LNX1: variants seen among roughly 807,000 people sequenced by gnomAD.
LNX1 encodes E3 ubiquitin-protein ligase LNX.
In LNX1, 54 loss-of-function variants were observed where a neutral mutation model predicts 68.4. The observed-to-expected ratio is 0.79, with a 90% CI of 0.63 to 0.99. LNX1 has a LOEUF of 0.99. Ranked by LOEUF, LNX1 falls within the 50% of genes least tolerant of loss-of-function variation. The pLI is 0.00. For synonymous variants in LNX1, 336 were observed against 350.0 expected (o/e 0.96, Z 0.45); for missense variants, 906 against 926.4 (o/e 0.98, Z 0.29).
chr4:53,540,066 A>G (rs550302352), intron 2 of LNX1, among the ~76,000 whole-genome samples: 4 of 152,360 alleles, frequency 2.6e-5, no homozygotes, highest in African/African-American at 9.6e-5. Context: ...ATAAGATGGC[A>G]TAGCAACTAC....
At chr4:53,508,693 T>C (rs919806623) in intron 2 of LNX1, among the ~76,000 whole-genome samples, 1 of 152,240 alleles carries the variant, frequency 6.6e-6, no homozygotes, top group Non-Finnish European at 1.5e-5. Context: ...TAACTGTTCA[T>C]GCAAACAGAA....
rs1323144423 is a variant in LNX1, at chr4:53,513,532, C to G, written c.381-5305G>C. On this transcript the variant is annotated intron_variant, in intron 2 of 10. Coordinates refer to ENST00000263925, the MANE Select transcript of LNX1 (RefSeq NM_001126328.3). ...GCAGCTCAAACTTAACACTTTCATC[C>G]TCCCTGCCAAACCAGCTCTTCCCAC... is the stretch of plus-strand genomic sequence containing the variant. Among the ~76,000 whole-genome samples the G allele has an allele frequency of 2.6e-5, 4 of 152,184 alleles. No homozygotes were observed. The East Asian group carries it at 7.7e-4, about 29-fold the overall frequency.
intron 2 of LNX1, among the ~76,000 whole-genome samples, chr4:53,516,646 T>C (rs558867281): frequency 4.7e-4 from 71 of 152,324 alleles, no homozygotes; most frequent in African/African-American, 1.7e-3. Flanking sequence ...GAATGGTAGA[T>C]TCTGGGCAGG....
chr4:53,642,279 G>A (rs376688975), intron 1 of LNX1, among the ~76,000 whole-genome samples: 2 of 144,894 alleles, frequency 1.4e-5, no homozygotes, highest in East Asian at 4.2e-4. Context: ...TCCACTTTTT[G>A]AAGTTCTTGG....
At chr4:53,579,101 C>T (rs1731673452) in intron 1 of LNX1, among the ~76,000 whole-genome samples, 1 of 152,144 alleles carries the variant, frequency 6.6e-6, no homozygotes, top group East Asian at 1.9e-4. Context: ...AGAGAGAGGG[C>T]CTGTCAGCTT....
intron 9 of LNX1, among the ~76,000 whole-genome samples, chr4:53,468,676 CAG>C: frequency 6.6e-6 from 1 of 152,234 alleles, no homozygotes; most frequent in African/African-American, 2.4e-5. Context: ...CAAAAAAAGA[CAG>C]GGGTTGCAAT....
intron 1 of LNX1, chr4:53,576,008 T>A: frequency 6.4e-7 from 1 of 1,567,946 alleles, no homozygotes; most frequent in Non-Finnish European, 8.6e-7. Flanking sequence ...GCCCTCCATC[T>A]TCCCCCCACC....
At chr4:53,490,888 C>G (rs1451309530) in intron 6 of LNX1, among the ~76,000 whole-genome samples, 1 of 152,136 alleles carries the variant, frequency 6.6e-6, no homozygotes, top group African/African-American at 2.4e-5. Context: ...TCCGTGTTTT[C>G]CATTTCTTTT....
In LNX1 at chr4:53,459,542, A is replaced by AATC; in HGVS notation, c.*1362_*1364dup. 6.4e-7 allele frequency: 1 copy of AATC among 1,550,440 alleles called. No homozygotes were observed. Among genetic ancestry groups the AATC allele is most frequent in the Non-Finnish European group, 8.8e-7 (1 of 1,130,244 alleles). ...GATAATGTTTAAGAAATTTACCTTAAATCTTGTTCTGTTTGTTAGTATGAA... is the reference window on the plus strand; with the variant it reads ...GATAATGTTTAAGAAATTTACCTTAAATCATCTTGTTCTGTTTGTTAGTATGAA... On this transcript the variant is annotated 3_prime_UTR_variant, in exon 11 of 11. Transcript: ENST00000263925.
At chr4:53,636,461 G>C (rs13110880) in intron 1 of LNX1, among the ~76,000 whole-genome samples, 3 of 152,026 alleles carry the variant, frequency 2.0e-5, no homozygotes, top group Non-Finnish European at 4.4e-5. Flanking sequence ...CCTCAGAGTA[G>C]AAAAAGGAGG....
chr4:53,513,943 C>T (rs1726552018), intron 2 of LNX1, among the ~76,000 whole-genome samples: 1 of 152,230 alleles, frequency 6.6e-6, no homozygotes, highest in African/African-American at 2.4e-5. Context: ...CTTGCTCATA[C>T]AGCCCTCCTG....
chr4:53,483,167 C>T (rs1263865903), intron 6 of LNX1, among the ~76,000 whole-genome samples: 19 of 152,130 alleles, frequency 1.2e-4, no homozygotes, highest in African/African-American at 3.4e-4. Flanking sequence ...GTAAGTCTCA[C>T]GAGATCTGAT....
chr4:53,581,191 C>G (rs1210402966), intron 1 of LNX1, among the ~76,000 whole-genome samples: 3 of 151,932 alleles, frequency 2.0e-5, no homozygotes, highest in African/African-American at 7.3e-5. Flanking sequence ...TCAGTTGCAG[C>G]CTGAGGTCAA....
intron 1 of LNX1, among the ~76,000 whole-genome samples, chr4:53,590,738 C>A (rs1732459476): frequency 6.6e-6 from 1 of 152,194 alleles, no homozygotes; most frequent in Non-Finnish European, 1.5e-5. Context: ...GGTCAGCAGG[C>A]AGCCAGTCCA....
Position 53,573,837 on chromosome 4 carries a change from A to G in LNX1, c.166T>C (p.Cys56Arg). ...CAGAGGGTGCAGTAGGTGTGTCCAC[A>G]CGGAGTGTCCAGGGGGTCCAGCAAA... ...QALLDPLDTP[C>R]GHTYCTLCLT... Residue 56 changes from cysteine (C) to arginine (R), a missense_variant, in exon 2 of 11, where the codon TGT becomes CGT. Cys to Arg is a radical substitution (Grantham distance 180). Transcript: ENST00000263925. 1 of 1,613,744 alleles carries G rather than the reference A, an allele frequency of 6.2e-7. No homozygotes were observed. The highest frequency in any genetic ancestry group is 8.5e-7 in the Non-Finnish European group (1 of 1,179,808).
At chr4:53,575,619 C>T (rs1423549649) in intron 1 of LNX1, 194 of 1,309,708 alleles carry the variant, frequency 1.5e-4, no homozygotes, top group Non-Finnish European at 1.8e-4. Context: ...GGACCAGGCC[C>T]GCTTTTGGCT....
At chr4:53,637,249 T>G (rs1734515783) in intron 1 of LNX1, among the ~76,000 whole-genome samples, 1 of 152,076 alleles carries the variant, frequency 6.6e-6, no homozygotes, top group Non-Finnish European at 1.5e-5. Context: ...AACTTGTGTT[T>G]TACTTTCTTC....
At chr4:53,467,596 A>C (rs1357917511) in intron 9 of LNX1, among the ~76,000 whole-genome samples, 1 of 152,200 alleles carries the variant, frequency 6.6e-6, no homozygotes, top group East Asian at 1.9e-4. Context: ...ACCTTGAAAA[A>C]AAATTAGACA....
intron 2 of LNX1, among the ~76,000 whole-genome samples, chr4:53,544,621 C>T (rs1166475828): frequency 6.6e-6 from 1 of 152,216 alleles, no homozygotes; most frequent in Non-Finnish European, 1.5e-5. Flanking sequence ...AGTGGTAAGA[C>T]ACCAGCACTG....
Sources: gnomAD v4.1 joint callset for allele counts (sites outside exome capture counted in the v4.1 genomes callset) on GRCh38, gnomAD v4.1.1 for gene constraint, MANE v1.5 for transcripts, NCBI Gene and HGNC (gene_info 2026-07-23, HGNC 2026-07-21) for gene names.